Variants in CPPED1 observed in about 807,000 individuals in gnomAD.
CPPED1 encodes serine/threonine-protein phosphatase CPPED1.
Under a neutral mutation model 28.0 loss-of-function variants are expected in CPPED1, and 28 were observed. The observed-to-expected ratio is 1.00, with a 90% CI of 0.74 to 1.37. The LOEUF (loss-of-function observed/expected upper bound fraction) is 1.37, where lower values mean the gene tolerates loss of function less well. Among genes scored for constraint, CPPED1 ranks in the 40% most tolerant of loss-of-function variants. The probability of loss-of-function intolerance (pLI) is 0.00; values close to 1 mark genes in which losing one functional copy is unlikely to be tolerated. For synonymous variants in CPPED1, 198 were observed against 180.2 expected, an observed-to-expected ratio of 1.10 and a Z score of -0.79; for missense variants, 504 against 416.5, an observed-to-expected ratio of 1.21 and a Z score of -1.83.
At chr16:12,676,836 T>C (rs2079880239) in intron 3 of CPPED1, among the ~76,000 whole-genome samples, 1 of 152,218 alleles carries the variant, frequency 6.6e-6, no homozygotes, top group African/African-American at 2.4e-5. Context: ...CACTTGTTTT[T>C]AGCTCATTTA....
intron 2 of CPPED1, among the ~76,000 whole-genome samples, chr16:12,715,241 T>A (rs371763342): frequency 6.6e-6 from 1 of 152,192 alleles, no homozygotes; most frequent in Non-Finnish European, 1.5e-5. Flanking sequence ...TCCAACTTTA[T>A]TCTTCCTTTT....
chr16:12,777,914 T>C (rs1206682587), intron 2 of CPPED1, among the ~76,000 whole-genome samples: 1 of 149,586 alleles, frequency 6.7e-6, no homozygotes, highest in Non-Finnish European at 1.5e-5. Context: ...TTTTTTTTTT[T>C]TTTTTCTTTT....
intron 3 of CPPED1, among the ~76,000 whole-genome samples, chr16:12,693,898 T>TA (rs1306069316): frequency 6.6e-6 from 1 of 152,206 alleles, no homozygotes; most frequent in Non-Finnish European, 1.5e-5. Context: ...GTGATGAAAT[T>TA]AAAAAATTAA....
intron 2 of CPPED1, among the ~76,000 whole-genome samples, chr16:12,780,317 C>A (rs2080522370): frequency 6.6e-6 from 1 of 151,962 alleles, no homozygotes; most frequent in South Asian, 2.1e-4. Flanking sequence ...GTAACTGGGA[C>A]TACATGCACC....
intron 2 of CPPED1, among the ~76,000 whole-genome samples, chr16:12,749,834 C>G (rs1411514766): frequency 2.6e-5 from 4 of 152,150 alleles, no homozygotes; most frequent in Admixed American, 2.0e-4. Context: ...AAATGAGCTG[C>G]CTGCCTTGGG....
chr16:12,679,616 G>A (rs1200287217), intron 3 of CPPED1, among the ~76,000 whole-genome samples: 1 of 152,096 alleles, frequency 6.6e-6, no homozygotes, highest in Non-Finnish European at 1.5e-5. Flanking sequence ...TTTGCAACTT[G>A]CTTTTATATA....
intron 1 of CPPED1, among the ~76,000 whole-genome samples, chr16:12,802,494 C>T (rs1287103754): frequency 6.6e-6 from 1 of 152,064 alleles, no homozygotes; most frequent in Non-Finnish European, 1.5e-5. Context: ...CCAGCTACTC[C>T]AGAGGCTGAG....
intron 3 of CPPED1, among the ~76,000 whole-genome samples, chr16:12,677,008 T>C (rs931003432): frequency 5.9e-5 from 9 of 152,128 alleles, no homozygotes; most frequent in African/African-American, 1.2e-4. Flanking sequence ...ACCTGCCAAG[T>C]AGAGGTAAAG....
intron 3 of CPPED1, among the ~76,000 whole-genome samples, chr16:12,702,158 G>A (rs1446115261): frequency 6.6e-6 from 1 of 152,154 alleles, no homozygotes; most frequent in Non-Finnish European, 1.5e-5. Flanking sequence ...CTGTGCTTGA[G>A]GGGTTGCAGA....
intron 1 of CPPED1, among the ~76,000 whole-genome samples, chr16:12,795,714 C>A (rs2080623869): frequency 6.6e-6 from 1 of 152,216 alleles, no homozygotes; most frequent in African/African-American, 2.4e-5. Context: ...TACATGAGAG[C>A]AGTGGGTTGG....
intron 2 of CPPED1, among the ~76,000 whole-genome samples, chr16:12,720,118 C>A (rs1048329213): frequency 1.3e-5 from 2 of 152,144 alleles, no homozygotes; most frequent in Non-Finnish European, 2.9e-5. Context: ...CAGGAGAGCA[C>A]AGATGCCTTC....
At chr16:12,790,918 CAAA>C (rs538022826) in intron 1 of CPPED1, among the ~76,000 whole-genome samples, 3,171 of 63,194 alleles carry the variant, frequency 0.05, 109 homozygotes, top group African/African-American at 0.14. Flanking sequence ...GACTCTATCT[CAAA>C]AAAAAAAAAA....
Position 12,709,418 on chromosome 16 carries a change from G to A in CPPED1, c.290-4369C>T, listed in dbSNP as rs959058629. On this transcript the variant is annotated intron_variant, in intron 2 of 3. Transcript: ENST00000381774. This position sits in a 1 kb window ranked among gnomAD's most constrained non-coding sequence, Gnocchi z 4.4. ...GCACACACCTGACCCCCACGGAGAG[G>A]AGCCCTGGGTGGGAATGGCGAGAGC... Among the ~76,000 whole-genome samples, 1 of 152,130 alleles carries A rather than the reference G, an allele frequency of 6.6e-6. No individual in the cohort carries two copies. The highest frequency in any genetic ancestry group is 1.5e-5 in the Non-Finnish European group (1 of 68,016).
At chr16:12,751,109 A>C in intron 2 of CPPED1, among the ~76,000 whole-genome samples, 1 of 152,368 alleles carries the variant, frequency 6.6e-6, no homozygotes, top group Middle Eastern at 3.4e-3. Context: ...CAATAAAATA[A>C]GGTATGCCTG....
At chr16:12,691,420 C>A (rs1042357833) in intron 3 of CPPED1, among the ~76,000 whole-genome samples, 2 of 152,102 alleles carry the variant, frequency 1.3e-5, no homozygotes, top group African/African-American at 4.8e-5. Context: ...GGATTGAAGG[C>A]ATGAAGTAGA....
chr16:12,772,777 A>G (rs958026427), intron 2 of CPPED1, among the ~76,000 whole-genome samples: 23 of 152,300 alleles, frequency 1.5e-4, no homozygotes, highest in African/African-American at 5.5e-4. Context: ...AACTTTGCAG[A>G]TCCATAAGCT....
chr16:12,786,632 GAA>G (rs1454669388), intron 1 of CPPED1, among the ~76,000 whole-genome samples: 1 of 152,102 alleles, frequency 6.6e-6, no homozygotes, highest in African/African-American at 2.4e-5. Context: ...TGAAAAGTAA[GAA>G]GTTGGGTTGG....
Position 12,689,217 on chromosome 16 carries a change from C to CTTTTTTT in CPPED1, c.715+15400_715+15406dup, listed in dbSNP as rs869107040. ...TATGATCAGCTATATGAAAAGAGGG[C>CTTTTTTT]TTTTTTTTTTTTTTTTTTTTTTTTA... On this transcript the variant is annotated intron_variant, in intron 3 of 3. Coordinates refer to ENST00000381774, the MANE Select transcript of CPPED1 (RefSeq NM_018340.3). Among the ~76,000 whole-genome samples the CTTTTTTT allele has an allele frequency of 2.3e-3, 192 of 83,586 alleles. 6 individuals carry two copies. The highest frequency in any genetic ancestry group is 9.4e-3 in the African/African-American group (188 of 20,090). The allele number at this position is 83,586 out of a possible 152,430, so 54.8% of individuals were successfully genotyped here.
chr16:12,774,256 G>C lies in CPPED1; in HGVS notation c.289+6929C>G, dbSNP rs559940474. Among the ~76,000 whole-genome samples the C allele has an allele frequency of 3.9e-5, 6 of 152,118 alleles. No homozygotes were observed. The South Asian group carries it at 6.2e-4, about 16-fold the overall frequency. ...GGAGGCGAGGAGGGCAATCACTTGA[G>C]GTCAGGAGTTCAACCAGCCTGGCCA... On this transcript the variant is annotated intron_variant, in intron 2 of 3. Coordinates refer to ENST00000381774, the MANE Select transcript of CPPED1 (RefSeq NM_018340.3).
Sources: allele counts gnomAD v4.1 joint callset (sites outside exome capture counted in the v4.1 genomes callset), GRCh38; gene constraint gnomAD v4.1.1; non-coding constraint Gnocchi (gnomAD v3.1); transcripts MANE v1.5; gene names NCBI Gene and HGNC (gene_info 2026-07-23, HGNC 2026-07-21).